Variants in KCNH7 observed in about 807,000 individuals in gnomAD.
KCNH7 encodes the protein potassium voltage-gated channel subfamily H member 7.
A neutral mutation model predicts 120.8 loss-of-function variants in KCNH7; 49 were observed. The ratio of observed to expected loss-of-function variants is 0.41; its 90% CI spans 0.32 to 0.51. The LOEUF (loss-of-function observed/expected upper bound fraction) is 0.51, where lower values mean the gene tolerates loss of function less well. Ranked by LOEUF, KCNH7 falls within the 20% of genes least tolerant of loss-of-function variation. The pLI, the probability that KCNH7 is intolerant of heterozygous loss-of-function variation, is 0.38. For missense variants in KCNH7, 1,097 were observed against 1,446.6 expected, an observed-to-expected ratio of 0.76 and a Z score of 3.92; for synonymous variants, 547 against 516.1, an observed-to-expected ratio of 1.06 and a Z score of -0.81.
chr2:162,691,938 G>T (rs1488757567), intron 2 of KCNH7, among the ~76,000 whole-genome samples: 2 of 152,110 alleles, frequency 1.3e-5, no homozygotes, highest in African/African-American at 4.8e-5. Context: ...TTTGGTAATT[G>T]TCTCTTGATA....
At chr2:162,804,219 G>C (rs1377298251) in intron 2 of KCNH7, among the ~76,000 whole-genome samples, 1 of 151,754 alleles carries the variant, frequency 6.6e-6, no homozygotes, top group Non-Finnish European at 1.5e-5. Flanking sequence ...ATTCAACATA[G>C]TACTGGAAGT....
intron 2 of KCNH7, among the ~76,000 whole-genome samples, chr2:162,559,004 A>G (rs1432627453): frequency 9.4e-5 from 14 of 149,168 alleles, no homozygotes; most frequent in Admixed American, 4.0e-4. Flanking sequence ...GCAGTGAGCC[A>G]AGATTGCGTC....
At chr2:162,665,130 A>G (rs1035990298) in intron 2 of KCNH7, among the ~76,000 whole-genome samples, 2 of 152,200 alleles carry the variant, frequency 1.3e-5, no homozygotes, top group African/African-American at 4.8e-5. Context: ...TTTGCTCACA[A>G]TTTTGATATG....
At chr2:162,626,918 C>A (rs946384775) in intron 2 of KCNH7, among the ~76,000 whole-genome samples, 2 of 152,148 alleles carry the variant, frequency 1.3e-5, no homozygotes, top group Non-Finnish European at 2.9e-5. Context: ...GTCTTTCTTA[C>A]ACTGTGGTAC....
At chr2:162,611,723 T>C (rs16846992) in intron 2 of KCNH7, among the ~76,000 whole-genome samples, 8,669 of 152,248 alleles carry the variant, frequency 0.057, 512 homozygotes, top group African/African-American at 0.14. Flanking sequence ...CCTGCAATTT[T>C]ACCTCACAAT....
chr2:162,613,890 T>TTAAATTCTACTAGAATTTAACTAGTAG (rs1683054786), intron 2 of KCNH7, among the ~76,000 whole-genome samples: 1 of 151,912 alleles, frequency 6.6e-6, no homozygotes, highest in Non-Finnish European at 1.5e-5. Context: ...AGAAACAGTG[T>TTAAATTCTACTAGAATTTAACTAGTAG]TTAAATTCTA....
chr2:162,674,035 A>G (rs1013343390), intron 2 of KCNH7, among the ~76,000 whole-genome samples: 1 of 151,906 alleles, frequency 6.6e-6, no homozygotes, highest in Non-Finnish European at 1.5e-5. Flanking sequence ...CATTGCTAGT[A>G]AATATAATCT....
intron 12 of KCNH7, among the ~76,000 whole-genome samples, chr2:162,387,743 C>T (rs1686617527): frequency 6.6e-6 from 1 of 151,692 alleles, no homozygotes; most frequent in African/African-American, 2.4e-5. Context: ...TTATGGGTGT[C>T]TCTCTGAGTT....
chr2:162,601,399 C>CTTTTTTTTTTTTTTTTTTTTTTTTTTTTT lies in KCNH7; in HGVS notation c.308-64320_308-64319insAAAAAAAAAAAAAAAAAAAAAAAAAAAAA, dbSNP rs60201823. 5.2e-4 allele frequency among the ~76,000 whole-genome samples: 5 copies of CTTTTTTTTTTTTTTTTTTTTTTTTTTTTT among 9,602 alleles called. 2 individuals are homozygous for CTTTTTTTTTTTTTTTTTTTTTTTTTTTTT. Among genetic ancestry groups the CTTTTTTTTTTTTTTTTTTTTTTTTTTTTT allele is most frequent in the Non-Finnish European group, 8.3e-4 (5 of 6,046 alleles). 6.3% of individuals were successfully genotyped at this position (9,602 alleles called of 152,430 possible). A position where few individuals can be genotyped will look rare whatever the true frequency, so the allele number is the denominator to read the frequency against. On this transcript the variant is annotated intron_variant, in intron 2 of 15. Transcript: ENST00000332142. Reference sequence around the variant, plus strand: ...AAATTTTAAAAAAGTACTTCTTGTGCTTTTTTTTTTTTTTTTTTTTTTTTT... The same window carrying CTTTTTTTTTTTTTTTTTTTTTTTTTTTTT: ...AAATTTTAAAAAAGTACTTCTTGTGCTTTTTTTTTTTTTTTTTTTTTTTTTTTTTTTTTTTTTTTTTTTTTTTTTTTTTT...
intron 7 of KCNH7, among the ~76,000 whole-genome samples, chr2:162,445,770 A>G (rs1156821088): frequency 6.6e-6 from 1 of 152,178 alleles, no homozygotes; most frequent in Non-Finnish European, 1.5e-5. Flanking sequence ...GCTATGGACC[A>G]CTTGTTTCCA....
intron 2 of KCNH7, among the ~76,000 whole-genome samples, chr2:162,700,223 G>A (rs1175437317): frequency 2.6e-5 from 4 of 152,136 alleles, no homozygotes; most frequent in African/African-American, 9.7e-5. Flanking sequence ...ACCCCCCAGA[G>A]CCCCAGACAA....
At chr2:162,560,096 T>C (rs1476734653) in intron 2 of KCNH7, among the ~76,000 whole-genome samples, 3 of 152,242 alleles carry the variant, frequency 2.0e-5, no homozygotes, top group Non-Finnish European at 4.4e-5. Flanking sequence ...GTAGAGAGGA[T>C]GCCAACTGCA....
chr2:162,738,398 T>C (rs1006234767), intron 2 of KCNH7, among the ~76,000 whole-genome samples: 1 of 152,176 alleles, frequency 6.6e-6, no homozygotes, highest in African/African-American at 2.4e-5. Context: ...ATAGCCCTTA[T>C]ACATTAAGAT....
At chr2:162,640,952 G>C (rs959097891) in intron 2 of KCNH7, among the ~76,000 whole-genome samples, 4 of 152,058 alleles carry the variant, frequency 2.6e-5, no homozygotes, top group African/African-American at 9.7e-5. Flanking sequence ...AGCCATTAGG[G>C]AAGTACAAAT....
intron 2 of KCNH7, among the ~76,000 whole-genome samples, chr2:162,654,300 G>A (rs1350293738): frequency 6.6e-6 from 1 of 151,448 alleles, no homozygotes; most frequent in Non-Finnish European, 1.5e-5. Context: ...TCAATAGCAA[G>A]TAAATAAATA....
At chr2:162,400,920 G>C (rs999281716) in intron 9 of KCNH7, among the ~76,000 whole-genome samples, 1 of 151,868 alleles carries the variant, frequency 6.6e-6, no homozygotes, top group South Asian at 2.1e-4. Flanking sequence ...AATAGTCATG[G>C]TATTGGTAAA....
chr2:162,559,054 C>CAAAAAAAAAAAAAAAAAAAAAAGAAAAAA (rs1692965118), intron 2 of KCNH7, among the ~76,000 whole-genome samples: 3 of 37,154 alleles, frequency 8.1e-5, no homozygotes, highest in Non-Finnish European at 1.1e-4. Context: ...GACTCTGCCT[C>CAAAAAAAAAAAAAAAAAAAAAAGAAAAAA]AAAAAAAAAA....
intron 6 of KCNH7, among the ~76,000 whole-genome samples, chr2:162,465,370 A>G (rs1419406446): frequency 4.6e-5 from 7 of 152,168 alleles, no homozygotes; most frequent in Non-Finnish European, 1.0e-4. Flanking sequence ...TGCAAGCTCT[A>G]TGATCAAAGA....
At chr2:162,679,843 A>G (rs1224950728) in intron 2 of KCNH7, among the ~76,000 whole-genome samples, 1 of 151,700 alleles carries the variant, frequency 6.6e-6, no homozygotes, top group Non-Finnish European at 1.5e-5. Context: ...ATCTTTCTGA[A>G]TTTGAATTAA....
Sources: gnomAD v4.1 joint callset for allele counts (sites outside exome capture counted in the v4.1 genomes callset) on GRCh38, gnomAD v4.1.1 for gene constraint, MANE v1.5 for transcripts, NCBI Gene and HGNC (gene_info 2026-07-23, HGNC 2026-07-21) for gene names.